CNOT2: variants seen among roughly 807,000 people sequenced by gnomAD.
The protein encoded by CNOT2 is CC chemokine receptor 4-negative regulator of transcription 2.
Under a neutral mutation model 72.1 loss-of-function variants are expected in CNOT2, and 7 were observed. That is an observed-to-expected ratio of 0.10 (90% CI 0.06 to 0.18). CNOT2 has a LOEUF of 0.18. Among genes scored for constraint, CNOT2 ranks in the 10% least tolerant of loss-of-function variants. The probability of loss-of-function intolerance (pLI) is 1.00; values close to 1 mark genes in which losing one functional copy is unlikely to be tolerated. For missense variants in CNOT2, 345 were observed against 660.3 expected (o/e 0.52, Z 5.23); for synonymous variants, 196 against 225.6 (o/e 0.87, Z 1.17).
Position 70,344,302 on chromosome 12 carries a change from G to A in CNOT2, c.1391+74G>A, listed in dbSNP as rs566722375. On this transcript the variant is annotated intron_variant, in intron 14 of 15. Transcript: ENST00000229195. Reference sequence around the variant, plus strand: ...TATGCTGAAAACATCTTTAAGTGATGATGGCTATCTTTAAATGGAACTATT... The same window carrying A: ...TATGCTGAAAACATCTTTAAGTGATAATGGCTATCTTTAAATGGAACTATT... The A allele has an allele frequency of 7.4e-5, 63 of 856,374 alleles. No homozygotes were observed. In the African/African-American group the frequency reaches 1.0e-3, roughly 14 times the overall value. The allele number at this position is 856,374 out of a possible 1,614,324, so 53.0% of individuals were successfully genotyped here. A position where few individuals can be genotyped will look rare whatever the true frequency, so the allele number is the denominator to read the frequency against.
intron 1 of CNOT2, among the ~76,000 whole-genome samples, chr12:70,257,354 CTT>C (rs34175539): frequency 6.2e-5 from 8 of 128,556 alleles, no homozygotes; most frequent in South Asian, 2.5e-4. Context: ...CAACTACCCC[CTT>C]TTTTTTTTTT....
intron 1 of CNOT2, among the ~76,000 whole-genome samples, chr12:70,267,105 C>T (rs1293668565): frequency 6.6e-6 from 1 of 151,966 alleles, no homozygotes; most frequent in Non-Finnish European, 1.5e-5. Context: ...TTAGGGATTA[C>T]AATGCACATT....
chr12:70,278,970 AG>A (rs1235200902), intron 2 of CNOT2, among the ~76,000 whole-genome samples: 1 of 152,236 alleles, frequency 6.6e-6, no homozygotes, highest in Non-Finnish European at 1.5e-5. Flanking sequence ...AGTTTTTTAA[AG>A]GAAATATCCT....
intron 7 of CNOT2, 60 bp from the exon 8 acceptor site, chr12:70,335,378 T>G: frequency 7.6e-7 from 1 of 1,309,342 alleles, no homozygotes; most frequent in Non-Finnish European, 1.1e-6. Context: ...TGGTTGGTTT[T>G]TATAATCTCT....
At chr12:70,349,185 T>A (rs1403951410) in intron 15 of CNOT2, among the ~76,000 whole-genome samples, 1 of 152,162 alleles carries the variant, frequency 6.6e-6, no homozygotes, top group African/African-American at 2.4e-5. Context: ...TTTCAAAAAA[T>A]TCTTTAAAGG....
chr12:70,262,335 G>A (rs1459146334), intron 1 of CNOT2, among the ~76,000 whole-genome samples: 3 of 151,996 alleles, frequency 2.0e-5, no homozygotes, highest in Non-Finnish European at 4.4e-5. Flanking sequence ...GTGCAATGGC[G>A]CAATCTCGGC....
chr12:70,278,316 G>C (rs1300589088), intron 2 of CNOT2, 42 bp downstream of exon 2: 1 of 1,397,614 alleles, frequency 7.2e-7, no homozygotes, highest in Admixed American at 1.7e-5. Flanking sequence ...TGGTCTTATA[G>C]CTACATTGAA....
chr12:70,284,145 C>G (rs1870437001), intron 2 of CNOT2, among the ~76,000 whole-genome samples: 2 of 151,802 alleles, frequency 1.3e-5, no homozygotes, highest in African/African-American at 4.8e-5. Context: ...AGAGTTTCTC[C>G]ATGTTGGTCA....
At chr12:70,257,978 T>A (rs1478086327) in intron 1 of CNOT2, among the ~76,000 whole-genome samples, 2 of 152,196 alleles carry the variant, frequency 1.3e-5, no homozygotes, top group Non-Finnish European at 2.9e-5. Context: ...TGATACTGAG[T>A]ATGTTGTGTT....
At position 70,353,460 on chromosome 12, in the gene CNOT2, T is replaced by C. The variant is rs144670127; in HGVS notation, c.1537-369T>C. On this transcript the variant is annotated intron_variant, in intron 15 of 15. Coordinates refer to ENST00000229195, the MANE Select transcript of CNOT2 (RefSeq NM_014515.7). ...TTCATGGACAAAATCTTTAGGTTTT[T>C]ATACTTCGTTGAAGGGGGCTTTATT... 3.1e-3 allele frequency among the ~76,000 whole-genome samples: 472 copies of C among 152,300 alleles called. 3 individuals are homozygous for C. The highest frequency in any genetic ancestry group is 3.9e-3 in the Non-Finnish European group (263 of 68,024).
intron 1 of CNOT2, among the ~76,000 whole-genome samples, chr12:70,249,014 CAT>C (rs1325004102): frequency 1.3e-5 from 2 of 151,954 alleles, no homozygotes; most frequent in African/African-American, 4.8e-5. Context: ...GTTTTTCAAA[CAT>C]ATTGATATAC....
At chr12:70,285,016 C>T (rs754502863) in intron 2 of CNOT2, among the ~76,000 whole-genome samples, 4 of 152,088 alleles carry the variant, frequency 2.6e-5, no homozygotes, top group Middle Eastern at 3.4e-3. Context: ...CTTTTGGCAA[C>T]GTATGACGTA....
At chr12:70,282,341 G>A (rs138169110) in intron 2 of CNOT2, among the ~76,000 whole-genome samples, 4 of 152,244 alleles carry the variant, frequency 2.6e-5, no homozygotes, top group African/African-American at 9.6e-5. Flanking sequence ...CGTTTCTGAA[G>A]AATGATTCAT....
At chr12:70,339,522 C>T (rs895920689) in intron 11 of CNOT2, among the ~76,000 whole-genome samples, 1 of 152,124 alleles carries the variant, frequency 6.6e-6, no homozygotes, top group Non-Finnish European at 1.5e-5. Context: ...GCCAAAGCTA[C>T]AGTACTGATT....
intron 3 of CNOT2, 69 bp downstream of exon 3, chr12:70,311,086 A>G: frequency 9.0e-7 from 1 of 1,105,704 alleles, no homozygotes; most frequent in South Asian, 1.3e-5. Flanking sequence ...GAAAAACAGC[A>G]TATCAAGTGC....
At chr12:70,271,917 A>G (rs933540148) in intron 1 of CNOT2, among the ~76,000 whole-genome samples, 21 of 152,052 alleles carry the variant, frequency 1.4e-4, no homozygotes, top group South Asian at 6.2e-4. Context: ...TGTGCATTAT[A>G]CAAAAAATGA....
chr12:70,349,423 T>C (rs1417563242), intron 15 of CNOT2, among the ~76,000 whole-genome samples: 1 of 152,158 alleles, frequency 6.6e-6, no homozygotes, highest in Non-Finnish European at 1.5e-5. Context: ...TGAATTAACA[T>C]TTTAAATAAT....
chr12:70,246,912 T>C (rs1957900863), intron 1 of CNOT2, among the ~76,000 whole-genome samples: 1 of 152,214 alleles, frequency 6.6e-6, no homozygotes. Context: ...TATCTGTTGG[T>C]ATATCCCTTG....
At chr12:70,246,577 A>G (rs1027506386) in intron 1 of CNOT2, among the ~76,000 whole-genome samples, 1 of 152,172 alleles carries the variant, frequency 6.6e-6, no homozygotes, top group Admixed American at 6.5e-5. Context: ...CTTCCTTACT[A>G]AGAGCAGTTT....
Sources: allele counts gnomAD v4.1 joint callset (sites outside exome capture counted in the v4.1 genomes callset), GRCh38; gene constraint gnomAD v4.1.1; transcripts MANE v1.5; gene names NCBI Gene and HGNC (gene_info 2026-07-23, HGNC 2026-07-21).